The following RINT1 variants were observed in gnomAD, a reference collection of about 807,000 sequenced individuals.
RINT1 encodes the protein RAD50-interacting protein 1.
RINT1 carries 75 observed loss-of-function variants against 97.7 expected under a neutral mutation model. The observed-to-expected ratio is 0.77, with a 90% CI of 0.64 to 0.93. The LOEUF (loss-of-function observed/expected upper bound fraction) is 0.93, where lower values mean the gene tolerates loss of function less well. RINT1 is among the 40% of genes least tolerant of loss of function. The pLI is 0.00. For synonymous variants in RINT1, 303 were observed against 326.3 expected (o/e 0.93, Z 0.77); for missense variants, 892 against 925.2 (o/e 0.96, Z 0.47).
intron 14 of RINT1, 34 bp downstream of exon 14, chr7:105,565,682 A>T (rs1791695028): frequency 1.4e-6 from 2 of 1,388,702 alleles, no homozygotes; most frequent in African/African-American, 2.9e-5. Flanking sequence ...ATATTAATGT[A>T]TCAAATTGTT....
At chr7:105,545,897 G>A (rs926755187) in intron 4 of RINT1, among the ~76,000 whole-genome samples, 2 of 151,020 alleles carry the variant, frequency 1.3e-5, no homozygotes, top group African/African-American at 4.9e-5. Context: ...TCCGCCTCCC[G>A]GGTTCAAGCA....
intron 1 of RINT1, 75 bp downstream of exon 1, chr7:105,532,432 A>T: frequency 6.7e-7 from 1 of 1,485,128 alleles, no homozygotes; most frequent in East Asian, 2.4e-5. Context: ...CGGGGGAGAT[A>T]GTCCCGGTGC....
At chr7:105,544,646 G>T (rs1297187412) in intron 4 of RINT1, among the ~76,000 whole-genome samples, 2 of 151,992 alleles carry the variant, frequency 1.3e-5, no homozygotes, top group Non-Finnish European at 2.9e-5. Flanking sequence ...TGTTGGCTAG[G>T]CTGGTCTTGA....
intron 1 of RINT1, 27 bp downstream of exon 1, chr7:105,532,384 G>A (rs560694228): frequency 6.3e-7 from 1 of 1,594,342 alleles, no homozygotes; most frequent in South Asian, 1.1e-5. Context: ...GTCCCTGGGA[G>A]GGGACATTGG....
chr7:105,540,187 C>T (rs978329887), intron 3 of RINT1, among the ~76,000 whole-genome samples: 1 of 150,456 alleles, frequency 6.6e-6, no homozygotes, highest in African/African-American at 2.4e-5. Flanking sequence ...TCAAGTGATT[C>T]TCCTGCCTCA....
chr7:105,543,857 G>A (rs757056950), intron 4 of RINT1, among the ~76,000 whole-genome samples: 2 of 151,768 alleles, frequency 1.3e-5, no homozygotes, highest in East Asian at 1.9e-4. Flanking sequence ...TTGGGAGGCC[G>A]AGGCGGGCAG....
rs2133475079 is a variant in RINT1, at chr7:105,565,289, G to A, written c.1899G>A (p.Leu633=). The change falls in exon 13 of 15, where the codon TTG becomes TTA. Residue 633 remains leucine, a synonymous_variant. Coordinates refer to ENST00000257700, the MANE Select transcript of RINT1 (RefSeq NM_021930.6). The part of the protein sequence containing the change: ...KLYKKERWLS[L]PSQSEQAVMS... ...GTGTTTTTTCCAGATGGTTGTCCTT[G>A]CCATCTCAGTCAGAGCAGGCAGTGA... is the stretch of plus-strand genomic sequence containing the variant. The A allele has an allele frequency of 1.3e-6, 2 of 1,590,564 alleles. No individual in the cohort carries two copies. The highest frequency in any genetic ancestry group is 1.7e-6 in the Non-Finnish European group (2 of 1,165,566).
rs199604799 is a variant in RINT1, at chr7:105,567,295, C to T, written c.2363C>T (p.Pro788Leu). ...CTACTTAATTTGAGGACAAATTGGC[C>T]TAATACTGGAAAATAATGTCTTTCA... is the stretch of plus-strand genomic sequence containing the variant. ...EILLNLRTNW[P>L]NTGK The change falls in exon 15 of 15, where the codon CCT (proline) becomes CTT (leucine). Residue 788 changes from proline (P) to leucine (L), a missense_variant. Coordinates refer to ENST00000257700, the MANE Select transcript of RINT1 (RefSeq NM_021930.6). 16 of 1,595,830 alleles carry T rather than the reference C, an allele frequency of 1.0e-5. No individual in the cohort carries two copies. In the Admixed American group the frequency reaches 2.0e-4, roughly 20 times the overall value.
intron 14 of RINT1, among the ~76,000 whole-genome samples, chr7:105,565,975 T>C (rs371445107): frequency 2.0e-5 from 3 of 152,128 alleles, no homozygotes; most frequent in East Asian, 3.9e-4. Context: ...TCACTAAATA[T>C]AAGAAATTAC....
chr7:105,563,630 T>A (rs1791542833), intron 11 of RINT1, 103 bp from the exon 12 acceptor site: 1 of 988,868 alleles, frequency 1.0e-6, no homozygotes, highest in Non-Finnish European at 1.5e-6. Context: ...CCGTGCCCGG[T>A]CGAATTATAC....
rs1299821195 is a variant in RINT1 at position 105,563,717 on chromosome 7, A to G, written c.1672-16A>G. The G allele has an allele frequency of 1.9e-6, 3 of 1,597,896 alleles. No homozygotes were observed. The highest frequency in any genetic ancestry group is 1.3e-5 in the African/African-American group (1 of 74,602). ...AAAAAAAGTATGCTAATGTGTTAAC[A>G]TGTTTTTGCTTTCAGTTCTTTCTAC... On this transcript the variant is annotated splice_polypyrimidine_tract_variant and intron_variant, in intron 11 of 14. Transcript: ENST00000257700.
rs1324160072 is a variant in RINT1, at chr7:105,539,221, C to T, written c.273+2472C>T. ...CTGTCTTGGTTAGATAATGGCACCA[C>T]TATTTGCCTGTCACCCAGACCTGAA... On this transcript the variant is annotated intron_variant, in intron 3 of 14. Transcript: ENST00000257700. 2.0e-5 allele frequency among the ~76,000 whole-genome samples: 3 copies of T among 152,280 alleles called. No individual in the cohort carries two copies. In the East Asian group the frequency reaches 5.8e-4, roughly 29 times the overall value.
Position 105,550,470 on chromosome 7 carries a change from G to C in RINT1, c.1317G>C (p.Leu439Phe), listed in dbSNP as rs150180546. 9.2e-5 allele frequency: 149 copies of C among 1,613,462 alleles called. No individual in the cohort carries two copies. Among genetic ancestry groups the C allele is most frequent in the Middle Eastern group, 3.3e-4 (2 of 6,062 alleles). ...AGGAAACCTGTTTTCAGAGATGGTT[G>C]ACGGTGGAGAGAAAATGTAAGTGCT... is the stretch of plus-strand genomic sequence containing the variant. ...LSEETCFQRW[L>F]TVERKFALQK... Residue 439 changes from leucine to phenylalanine, a missense_variant, in exon 9 of 15, where the codon TTG becomes TTC. Transcript: ENST00000257700.
rs1311763559 is a variant in RINT1 at position 105,532,860 on chromosome 7, G to T, written c.79G>T (p.Glu27Ter). 1 of 1,614,128 alleles carries T rather than the reference G, an allele frequency of 6.2e-7. No individual in the cohort carries two copies. Among genetic ancestry groups the T allele is most frequent in the South Asian group, 1.1e-5 (1 of 91,084 alleles). ...SESGDERKNL[E>*]EKSDINVTVL... Reference sequence around the variant, plus strand: ...AAGTGGTGACGAAAGGAAGAACCTCGAGGAGAAAAGTAAGCCAGCTCCAAA... The same window carrying T: ...AAGTGGTGACGAAAGGAAGAACCTCTAGGAGAAAAGTAAGCCAGCTCCAAA... The change falls in exon 2 of 15, where the codon GAG (glutamate) becomes TAG (stop). Residue 27 changes from glutamate (E) to a stop codon, truncating the protein, a stop_gained. Transcript: ENST00000257700. LOFTEE classifies it high-confidence loss of function.
rs746320451 is a variant in RINT1, at chr7:105,567,475, C to T, written c.*164C>T. 1.3e-4 allele frequency: 91 copies of T among 707,818 alleles called. No homozygotes were observed. The African/African-American group carries it at 1.4e-3, about 11-fold the overall frequency. 43.8% of individuals were successfully genotyped at this position (707,818 alleles called of 1,614,324 possible). ...GTTATTAAAATGCTGACCATATTTC[C>T]TTCATCCTCTTGTTCCTAAGGAAAC... On this transcript the variant is annotated 3_prime_UTR_variant, in exon 15 of 15. Transcript: ENST00000257700.
chr7:105,541,173 C>A (rs977072407), intron 3 of RINT1, among the ~76,000 whole-genome samples: 1 of 150,638 alleles, frequency 6.6e-6, no homozygotes, highest in Non-Finnish European at 1.5e-5. Flanking sequence ...GAGTCTTGCT[C>A]TGTCACCCAG....
At chr7:105,557,931 C>T (rs1366444594) in intron 11 of RINT1, among the ~76,000 whole-genome samples, 1 of 152,068 alleles carries the variant, frequency 6.6e-6, no homozygotes, top group Non-Finnish European at 1.5e-5. Context: ...AATCCATGTG[C>T]ATAATGTCAT....
At chr7:105,551,872 C>T (rs1416117769) in intron 10 of RINT1, among the ~76,000 whole-genome samples, 165 bp downstream of exon 10, 4 of 152,018 alleles carry the variant, frequency 2.6e-5, no homozygotes, top group Non-Finnish European at 5.9e-5. Context: ...TCGAGAACAG[C>T]CTGGGGTACA....
chr7:105,550,999 C>T (rs1199237351), intron 9 of RINT1, among the ~76,000 whole-genome samples: 1 of 152,154 alleles, frequency 6.6e-6, no homozygotes, highest in Admixed American at 6.6e-5. Flanking sequence ...AAGTAATCCA[C>T]CTGCCTTGGC....
Sources: allele counts gnomAD v4.1 joint callset (sites outside exome capture counted in the v4.1 genomes callset), GRCh38; gene constraint gnomAD v4.1.1; transcripts MANE v1.5; gene names NCBI Gene and HGNC (gene_info 2026-07-23, HGNC 2026-07-21).